PLRG1: variants seen among roughly 807,000 people sequenced by gnomAD.
The protein encoded by PLRG1 is pleiotropic regulator 1 (PRL1 homolog, Arabidopsis).
Under a neutral mutation model 74.9 loss-of-function variants are expected in PLRG1, and 28 were observed. That is an observed-to-expected ratio of 0.37 (90% CI 0.28 to 0.51). PLRG1 has a LOEUF of 0.51. PLRG1 is among the 20% of genes least tolerant of loss of function. The pLI is 0.91. For synonymous variants in PLRG1, 197 were observed against 212.4 expected, an observed-to-expected ratio of 0.93 and a Z score of 0.63; for missense variants, 445 against 631.9, an observed-to-expected ratio of 0.70 and a Z score of 3.17.
chr4:154,549,150 G>A (rs55710159), intron 1 of PLRG1: 12,326 of 543,340 alleles, frequency 0.023, 207 homozygotes, highest in Middle Eastern at 0.086. Context: ...AGTGATGCCG[G>A]AGTTTAACTT....
chr4:154,549,104 G>T, intron 1 of PLRG1, 169 bp from the exon 2 acceptor site: 1 of 603,920 alleles, frequency 1.7e-6, no homozygotes, highest in African/African-American at 1.8e-5. Flanking sequence ...AGAGGAGGAA[G>T]CTCCTCTTTG....
At chr4:154,546,685 A>C in intron 4 of PLRG1, 1 of 370,650 alleles carries the variant, frequency 2.7e-6, no homozygotes, top group Non-Finnish European at 4.9e-6. Flanking sequence ...TGTTTCTCAG[A>C]TACTGCTTCT....
Position 154,537,289 on chromosome 4 carries a change from T to C in PLRG1, c.1482A>G (p.Thr494=), listed in dbSNP as rs1270888226. Residue 494 remains threonine (T), a synonymous_variant, in exon 14 of 15, where the codon ACA becomes ACG. Coordinates refer to ENST00000499023, the MANE Select transcript of PLRG1 (RefSeq NM_002669.4). ...GAATGTGAAACACAGAACTTACGGC[T>C]GTGTCATCCTCTCTGTATACTTTAA... The part of the protein sequence containing the change: ...KTIKVYREDD[T]ATEETHPVSW... 1.9e-6 allele frequency: 3 copies of C among 1,606,142 alleles called. No homozygotes were observed. The highest frequency in any genetic ancestry group is 1.7e-6 in the Non-Finnish European group (2 of 1,174,026).
intron 3 of PLRG1, among the ~76,000 whole-genome samples, 153 bp from the exon 4 acceptor site, chr4:154,547,217 C>T (rs1364431320): frequency 6.6e-6 from 1 of 152,146 alleles, no homozygotes; most frequent in Non-Finnish European, 1.5e-5. Context: ...AAGTTGATCA[C>T]TTTTGCTTTG....
At chr4:154,542,821 A>G (rs1242491517) in intron 7 of PLRG1, among the ~76,000 whole-genome samples, 1 of 152,178 alleles carries the variant, frequency 6.6e-6, no homozygotes, top group East Asian at 1.9e-4. Context: ...CATATACGGG[A>G]GCTAAAAAAT....
intron 7 of PLRG1, chr4:154,543,954 A>C (rs181042367): frequency 6.5e-6 from 1 of 153,726 alleles, no homozygotes. Context: ...ACACTTCACG[A>C]ATCTGTGTTA....
Position 154,538,048 on chromosome 4 carries a change from A to G in PLRG1, c.1212T>C (p.Ser404=), listed in dbSNP as rs1162755887. The G allele has an allele frequency of 6.5e-7, 1 of 1,532,158 alleles. No homozygotes were observed. Among genetic ancestry groups the G allele is most frequent in the African/African-American group, 1.4e-5 (1 of 73,592 alleles). 94.9% of individuals were successfully genotyped at this position (1,532,158 alleles called of 1,614,324 possible). A position where few individuals can be genotyped will look rare whatever the true frequency, so the allele number is the denominator to read the frequency against. Residue 404 remains serine (S), a synonymous_variant, in exon 13 of 15, where the codon AGT becomes AGC. Transcript: ENST00000499023. Reference sequence around the variant, plus strand: ...TATGACCGGAAAGATTTTGAATGAAACTTCCATCAGGGAATTTCCACTGCT... The same window carrying G: ...TATGACCGGAAAGATTTTGAATGAAGCTTCCATCAGGGAATTTCCACTGCT... ...NIKQWKFPDG[S]FIQNLSGHNA...
chr4:154,538,955 A>G, intron 12 of PLRG1, 150 bp downstream of exon 12: 1 of 573,616 alleles, frequency 1.7e-6, no homozygotes, highest in South Asian at 2.5e-5. Context: ...TGCATGAGGA[A>G]AATAAAAGAA....
intron 7 of PLRG1, among the ~76,000 whole-genome samples, chr4:154,543,088 C>T (rs930849761): frequency 6.6e-6 from 1 of 152,086 alleles, no homozygotes; most frequent in Non-Finnish European, 1.5e-5. Flanking sequence ...TTGGAATGTT[C>T]CTAATACAAA....
In PLRG1 at chr4:154,550,342, G is replaced by C. The variant is rs77339158; in HGVS notation, c.-34C>G. The C allele has an allele frequency of 3.7e-6, 6 of 1,608,582 alleles. No individual in the cohort carries two copies. In the Admixed American group the frequency reaches 1.0e-4, roughly 27 times the overall value. On this transcript the variant is annotated 5_prime_UTR_variant, in exon 1 of 15. Coordinates refer to ENST00000499023, the MANE Select transcript of PLRG1 (RefSeq NM_002669.4). ...CGTGTATCCCACCTCCGGCAGGGAA[G>C]AAACTCTAATCACTAACGCAGTACC...
At chr4:154,543,297 T>G (rs11932760) in intron 7 of PLRG1, among the ~76,000 whole-genome samples, 43,341 of 151,796 alleles carry the variant, frequency 0.29, 6,440 homozygotes, top group Middle Eastern at 0.38. Flanking sequence ...ACAGGTGTGC[T>G]CCACTACACA....
intron 13 of PLRG1, 27 bp downstream of exon 13, chr4:154,537,942 A>G (rs1439413052): frequency 2.3e-6 from 3 of 1,301,276 alleles, no homozygotes; most frequent in Non-Finnish European, 3.2e-6. Flanking sequence ...CAGACTAAAC[A>G]TATTTATTAT....
chr4:154,542,311 A>G, intron 7 of PLRG1, 32 bp from the exon 8 acceptor site: 1 of 1,347,218 alleles, frequency 7.4e-7, no homozygotes, highest in Non-Finnish European at 1.1e-6. Context: ...GGGCAGGCCA[A>G]CGTAGAAGTT....
At chr4:154,539,390 C>A (rs1729512661) in intron 11 of PLRG1, among the ~76,000 whole-genome samples, 177 bp from the exon 12 acceptor site, 1 of 151,988 alleles carries the variant, frequency 6.6e-6, no homozygotes, top group East Asian at 1.9e-4. Flanking sequence ...GATTTTAATT[C>A]TTTAAAAAAA....
Position 154,544,555 on chromosome 4 carries a change from A to G in PLRG1, c.493-9T>C, listed in dbSNP as rs1489712128. 8 of 1,464,096 alleles carry G rather than the reference A, an allele frequency of 5.5e-6. No homozygotes were observed. Among genetic ancestry groups the G allele is most frequent in the Non-Finnish European group, 7.7e-6 (8 of 1,044,274 alleles). 90.7% of individuals were successfully genotyped at this position (1,464,096 alleles called of 1,614,324 possible). On this transcript the variant is annotated splice_polypyrimidine_tract_variant and intron_variant, in intron 6 of 14. Coordinates refer to ENST00000499023, the MANE Select transcript of PLRG1 (RefSeq NM_002669.4). ...CCAGTCTCCATGACAATCTAGACAT[A>G]GAAGAGACATTATTATTATTAAAGA...
At chr4:154,547,675 A>T in intron 3 of PLRG1, 36 bp downstream of exon 3, 2 of 1,584,184 alleles carry the variant, frequency 1.3e-6, no homozygotes, top group Non-Finnish European at 1.7e-6. Flanking sequence ...TAAAATTCAC[A>T]TATAAGTCTG....
Position 154,550,247 on chromosome 4 carries a change from A to G in PLRG1, c.9+53T>C. On this transcript the variant is annotated intron_variant, in intron 1 of 14. Transcript: ENST00000499023. ...CTCTCAATCCCCCACGCGCACTGCC[A>G]AAAAAAACAGTCCAGAGACAAACGA... 12 of 1,514,810 alleles carry G rather than the reference A, an allele frequency of 7.9e-6. No homozygotes were observed. The South Asian group carries it at 1.2e-4, about 16-fold the overall frequency. 93.8% of individuals were successfully genotyped at this position (1,514,810 alleles called of 1,614,324 possible).
chr4:154,538,146 C>T (rs765357177), intron 12 of PLRG1, 38 bp from the exon 13 acceptor site: 1 of 1,196,816 alleles, frequency 8.4e-7, no homozygotes, highest in Admixed American at 2.2e-5. Flanking sequence ...ACAAAGTAAA[C>T]CAAGTTAAAT....
At chr4:154,540,398 C>G (rs1421123435) in intron 10 of PLRG1, 196 bp downstream of exon 10, 1 of 596,534 alleles carries the variant, frequency 1.7e-6, no homozygotes, top group Non-Finnish European at 3.0e-6. Context: ...ACTAATAACA[C>G]TAACATGGTG....
Sources: allele counts gnomAD v4.1 joint callset (sites outside exome capture counted in the v4.1 genomes callset), GRCh38; gene constraint gnomAD v4.1.1; transcripts MANE v1.5; gene names NCBI Gene and HGNC (gene_info 2026-07-23, HGNC 2026-07-21).